ADRA1B: variants seen among roughly 807,000 people sequenced by gnomAD.
The protein encoded by ADRA1B is alpha-1B adrenergic receptor.
A neutral mutation model predicts 17.9 loss-of-function variants in ADRA1B; 17 were observed. That is an observed-to-expected ratio of 0.95 (90% CI 0.65 to 1.42). ADRA1B has a LOEUF of 1.42. ADRA1B is among the 40% of genes most tolerant of loss of function. The pLI, the probability that ADRA1B is intolerant of heterozygous loss-of-function variation, is 0.00. For synonymous variants in ADRA1B, 366 were observed against 327.6 expected (o/e 1.12, Z -1.27); for missense variants, 681 against 722.1 (o/e 0.94, Z 0.65).
chr5:159,945,886 T>A (rs1249708873), intron 1 of ADRA1B, among the ~76,000 whole-genome samples: 3 of 152,090 alleles, frequency 2.0e-5, no homozygotes, highest in African/African-American at 7.2e-5. Flanking sequence ...TAGCTGGGAC[T>A]ACAGGCGCCC....
At chr5:159,918,898 G>A (rs893098625) in intron 1 of ADRA1B, among the ~76,000 whole-genome samples, 5 of 152,132 alleles carry the variant, frequency 3.3e-5, no homozygotes, top group African/African-American at 1.2e-4. Context: ...AATGGAGGGA[G>A]TTTATCATGA....
chr5:159,911,836 C>T (rs1754230118), upstream of ADRA1B, among the ~76,000 whole-genome samples: 1 of 152,050 alleles, frequency 6.6e-6, no homozygotes, highest in Admixed American at 6.5e-5. Flanking sequence ...CCCCACAGAC[C>T]CTAGTGTACC....
intron 1 of ADRA1B, chr5:159,947,830 A>G (rs955254663): frequency 1.0e-6 from 1 of 985,268 alleles, no homozygotes; most frequent in African/African-American, 1.7e-5. Context: ...TCACCATATT[A>G]TCCGTTATTG....
chr5:159,876,331 TG>T (rs1300757573), intron 1 of ADRA1B, among the ~76,000 whole-genome samples: 2 of 152,226 alleles, frequency 1.3e-5, no homozygotes, highest in African/African-American at 2.4e-5. Flanking sequence ...CTCCTCACAG[TG>T]GCAGGATGGC....
chr5:159,927,148 C>T (rs1019694850), intron 1 of ADRA1B, among the ~76,000 whole-genome samples: 10 of 152,072 alleles, frequency 6.6e-5, no homozygotes, highest in African/African-American at 2.2e-4. Context: ...AAAAGGCTGC[C>T]GTTCCACCTG....
chr5:159,938,184 C>T (rs1266441718), intron 1 of ADRA1B, among the ~76,000 whole-genome samples: 1 of 152,196 alleles, frequency 6.6e-6, no homozygotes, highest in Non-Finnish European at 1.5e-5. Flanking sequence ...CTTTCATCCT[C>T]CTCTACACAC....
At chr5:159,876,188 A>AAAAAC (rs537692618) in intron 1 of ADRA1B, among the ~76,000 whole-genome samples, 4 of 152,220 alleles carry the variant, frequency 2.6e-5, no homozygotes, top group Non-Finnish European at 5.9e-5. Flanking sequence ...ACTCTGTCTC[A>AAAAAC]AAAACAAAAC....
At chr5:159,934,498 A>T (rs1754899708) in intron 1 of ADRA1B, among the ~76,000 whole-genome samples, 1 of 151,842 alleles carries the variant, frequency 6.6e-6, no homozygotes, top group Non-Finnish European at 1.5e-5. Flanking sequence ...GAGTTGCTGT[A>T]CTAGAAGGAA....
chr5:159,913,144 G>T (rs2113137007), upstream of ADRA1B, among the ~76,000 whole-genome samples: 1 of 152,308 alleles, frequency 6.6e-6, no homozygotes, highest in African/African-American at 2.4e-5. Flanking sequence ...GCAGAAATGG[G>T]AGTTCTGCAA....
downstream of ADRA1B, among the ~76,000 whole-genome samples, chr5:159,975,967 T>C (rs1755963372): frequency 6.6e-6 from 1 of 152,214 alleles, no homozygotes; most frequent in African/African-American, 2.4e-5. Context: ...GCTTGGCAAG[T>C]GGAATACTAG....
intron 1 of ADRA1B, among the ~76,000 whole-genome samples, chr5:159,932,396 G>A (rs767458337): frequency 1.1e-4 from 16 of 152,076 alleles, no homozygotes; most frequent in Non-Finnish European, 2.1e-4. Context: ...GGCTTCAAGC[G>A]ATCATCCTGC....
chr5:159,937,862 T>A (rs544802957), intron 1 of ADRA1B: 1 of 152,354 alleles, frequency 6.6e-6, no homozygotes, highest in South Asian at 2.1e-4. Flanking sequence ...GTGAGCCCTG[T>A]CAAGTTTGTC....
At chr5:159,928,909 T>C (rs74319842) in intron 1 of ADRA1B, 4,044 of 152,204 alleles carry the variant, frequency 0.027, 80 homozygotes, top group Non-Finnish European at 0.036. Context: ...CTCCGATTCA[T>C]ATATTCAGGC....
intron 1 of ADRA1B, chr5:159,951,628 G>A (rs1391668341): frequency 1.3e-5 from 5 of 381,280 alleles, no homozygotes; most frequent in South Asian, 2.3e-5. Context: ...TGAGACAGGG[G>A]CAAAGAATGC....
In ADRA1B at chr5:159,940,055, G is replaced by A. The variant is rs17057294; in HGVS notation, c.949+22201G>A. On this transcript the variant is annotated intron_variant, in intron 1 of 1. Transcript: ENST00000306675. Reference sequence around the variant, plus strand: ...CTGGCACAGGGACAACTCAGTAAGTGAATGAAATCTGATCAGAGCTGTGAA... The same window carrying A: ...CTGGCACAGGGACAACTCAGTAAGTAAATGAAATCTGATCAGAGCTGTGAA... Among the ~76,000 whole-genome samples the A allele has an allele frequency of 7.9e-3, 1,201 of 152,296 alleles. 17 individuals carry two copies. Among genetic ancestry groups the A allele is most frequent in the African/African-American group, 0.028 (1,144 of 41,566 alleles).
At chr5:159,879,355 G>A (rs535314483) in intron 1 of ADRA1B, among the ~76,000 whole-genome samples, 11 of 152,290 alleles carry the variant, frequency 7.2e-5, no homozygotes, top group South Asian at 2.1e-4. Flanking sequence ...GGCTCCAGCA[G>A]CAACAGGCGC....
rs1203041904 is a variant in ADRA1B at position 159,967,205 on chromosome 5, G to A, written c.950-4674G>A. ...AAAAAAAATATACAAATCTGGAGGG[G>A]AAAAGAAAAGAAATGAAGATATAGC... On this transcript the variant is annotated intron_variant, in intron 1 of 1. Coordinates refer to ENST00000306675, the MANE Select transcript of ADRA1B (RefSeq NM_000679.4). 3.9e-5 allele frequency among the ~76,000 whole-genome samples: 6 copies of A among 152,122 alleles called. No individual in the cohort carries two copies. In the East Asian group the frequency reaches 1.2e-3, roughly 29 times the overall value.
At chr5:159,984,461 A>G in the ADRA1B span, among the ~76,000 whole-genome samples, 2 of 152,044 alleles carry the variant, frequency 1.3e-5, no homozygotes, top group Non-Finnish European at 2.9e-5. Flanking sequence ...GAATCCATCT[A>G]TTTTGCACCA....
downstream of ADRA1B, among the ~76,000 whole-genome samples, chr5:159,975,661 G>A (rs1384750535): frequency 6.6e-6 from 1 of 152,214 alleles, no homozygotes; most frequent in Admixed American, 6.5e-5. Context: ...TTTCCAGAAG[G>A]AAGACTGGCC....
Sources: allele counts gnomAD v4.1 joint callset (sites outside exome capture counted in the v4.1 genomes callset), GRCh38; gene constraint gnomAD v4.1.1; transcripts MANE v1.5; gene names NCBI Gene and HGNC (gene_info 2026-07-23, HGNC 2026-07-21).